KCNQ1: variants seen among roughly 807,000 people sequenced by gnomAD.
The protein encoded by KCNQ1 is potassium voltage-gated channel subfamily KQT member 1.
KCNQ1 carries 49 observed loss-of-function variants against 72.4 expected under a neutral mutation model. The ratio of observed to expected loss-of-function variants is 0.68; its 90% confidence interval spans 0.54 to 0.86. KCNQ1 has a LOEUF of 0.86. KCNQ1 is among the 40% of genes least tolerant of loss of function. KCNQ1 has a pLI of 0.00. For synonymous variants in KCNQ1, 450 were observed against 412.6 expected (o/e 1.09, Z -1.10); for missense variants, 790 against 945.1 (o/e 0.84, Z 2.15).
chr11:2,564,739 C>T lies in KCNQ1; in HGVS notation c.478-5889C>T, dbSNP rs1261531295. ...GTCTGTCCCCATTAAACACTCACTC[C>T]CTACTCCCCCTTCCCCAGCCCCTGG... On this transcript the variant is annotated intron_variant, in intron 2 of 15. Transcript: ENST00000155840. This position sits in a 1 kb window ranked among gnomAD's most constrained non-coding sequence, Gnocchi z 4.5. 6.6e-6 allele frequency among the ~76,000 whole-genome samples: 1 copy of T among 152,200 alleles called. No homozygotes were observed. Among genetic ancestry groups the T allele is most frequent in the African/African-American group, 2.4e-5 (1 of 41,450 alleles).
chr11:2,678,573 T>A lies in KCNQ1; in HGVS notation c.1514+16492T>A, dbSNP rs1170788391. ...CTCAGTTATTTTAATTATGTAACTT[T>A]ATGATGCACTTATCTGTGTAGCAGG... On this transcript the variant is annotated intron_variant, in intron 11 of 15. Transcript: ENST00000155840. The surrounding 1 kb of genome is among the most constrained non-coding windows in gnomAD (Gnocchi z 4.9). The A allele has an allele frequency of 2.5e-6, 1 of 398,542 alleles. No homozygotes were observed. Among genetic ancestry groups the A allele is most frequent in the Non-Finnish European group, 4.4e-6 (1 of 226,070 alleles). The allele number at this position is 398,542 out of a possible 1,614,324, so 24.7% of individuals were successfully genotyped here. A position where few individuals can be genotyped will look rare whatever the true frequency, so the allele number is the denominator to read the frequency against.
intron 1 of KCNQ1, among the ~76,000 whole-genome samples, chr11:2,517,361 G>GCT (rs1847305004): frequency 6.6e-6 from 1 of 152,140 alleles, no homozygotes; most frequent in African/African-American, 2.4e-5. Context: ...ACCCTGGAGG[G>GCT]CTCTGGTGGG....
chr11:2,499,734 C>T (rs1846979761), intron 1 of KCNQ1, among the ~76,000 whole-genome samples: 1 of 152,120 alleles, frequency 6.6e-6, no homozygotes, highest in African/African-American at 2.4e-5. Context: ...GTCATTACAT[C>T]ATGATAAAGG....
At position 2,450,069 on chromosome 11, in the gene KCNQ1, GTTCCCTGCA is replaced by G. The variant is rs1311531177; in HGVS notation, c.386+4590_386+4598del. Among the ~76,000 whole-genome samples the G allele has an allele frequency of 6.6e-6, 1 of 152,178 alleles. No homozygotes were observed. The highest frequency in any genetic ancestry group is 1.5e-5 in the Non-Finnish European group (1 of 68,006). ...TGCTCGGCCCTAGGCAGGGCCCCCA[GTTCCCTGCA>G]TTCCACCCGCCTTGTCTGGGAGGTG... is the stretch of plus-strand genomic sequence containing the variant. On this transcript the variant is annotated intron_variant, in intron 1 of 15. Coordinates refer to ENST00000155840, the MANE Select transcript of KCNQ1 (RefSeq NM_000218.3). This position sits in a 1 kb window ranked among gnomAD's most constrained non-coding sequence, Gnocchi z 7.9.
At chr11:2,732,099 G>A (rs541675617) in intron 11 of KCNQ1, among the ~76,000 whole-genome samples, 2 of 152,338 alleles carry the variant, frequency 1.3e-5, no homozygotes, top group South Asian at 4.1e-4. Context: ...AATTGTGGGA[G>A]AGCCAGGAGT....
At position 2,538,133 on chromosome 11, in the gene KCNQ1, C is replaced by T. The variant is rs537829076; in HGVS notation, c.477+10115C>T. Among the ~76,000 whole-genome samples, 12 of 152,238 alleles carry T rather than the reference C, an allele frequency of 7.9e-5. No homozygotes were observed. The East Asian group carries it at 1.2e-3, about 15-fold the overall frequency. On this transcript the variant is annotated intron_variant, in intron 2 of 15. Coordinates refer to ENST00000155840, the MANE Select transcript of KCNQ1 (RefSeq NM_000218.3). The surrounding 1 kb of genome is among the most constrained non-coding windows in gnomAD (Gnocchi z 6.7). The stretch of plus-strand genomic sequence containing the variant: ...GGACCTTCAACTTAGCCAGGGTGTC[C>T]GACTCTCAGGACACCGCTGTCCATT...
intron 11 of KCNQ1, among the ~76,000 whole-genome samples, chr11:2,732,546 G>A (rs976614358): frequency 1.3e-5 from 2 of 152,218 alleles, no homozygotes; most frequent in Admixed American, 6.5e-5. Flanking sequence ...CGGGCAGTGA[G>A]GAGCGCAGGC....
At chr11:2,476,688 G>A (rs558827321) in intron 1 of KCNQ1, among the ~76,000 whole-genome samples, 148 of 152,218 alleles carry the variant, frequency 9.7e-4, no homozygotes, top group African/African-American at 3.5e-3. Context: ...ATTTAGAAAA[G>A]TTTTGTTTGT....
intron 6 of KCNQ1, among the ~76,000 whole-genome samples, chr11:2,582,048 C>T (rs1325778209): frequency 1.3e-5 from 2 of 152,220 alleles, no homozygotes; most frequent in African/African-American, 4.8e-5. Context: ...CAGGGCTCAG[C>T]AGAGGCCTGT....
rs1554924615 is a variant in KCNQ1 at position 2,799,401 on chromosome 11, T to TGTGTGG, written c.1794+21365_1794+21366insTGTGGG. 3.3e-3 allele frequency among the ~76,000 whole-genome samples: 488 copies of TGTGTGG among 149,876 alleles called. 1 individual carries two copies. Among genetic ancestry groups the TGTGTGG allele is most frequent in the African/African-American group, 0.011 (449 of 40,824 alleles). The stretch of plus-strand genomic sequence containing the variant: ...GTGTGTGTGTGTGTGTGTGTGTGTG[T>TGTGTGG]GGTGTGGTGTGTAGCATGCTTGCAT... On this transcript the variant is annotated intron_variant, in intron 15 of 15. Coordinates refer to ENST00000155840, the MANE Select transcript of KCNQ1 (RefSeq NM_000218.3).
chr11:2,693,628 G>A (rs1306727753), intron 11 of KCNQ1: 4 of 398,546 alleles, frequency 1.0e-5, no homozygotes, highest in African/African-American at 2.1e-5. Flanking sequence ...TCGCCCAGCC[G>A]TAGGAAAGGC....
rs1000603605 is a variant in KCNQ1 at position 2,803,331 on chromosome 11, G to A, written c.1794+25294G>A. On this transcript the variant is annotated intron_variant, in intron 15 of 15. Coordinates refer to ENST00000155840, the MANE Select transcript of KCNQ1 (RefSeq NM_000218.3). This position sits in a 1 kb window ranked among gnomAD's most constrained non-coding sequence, Gnocchi z 6.4. ...CCTGGGGGCCCAGGTCAGCCTGGACGGTGGCAGGACTCGGCGAGGTGGGGA... is the reference window on the plus strand; with the variant it reads ...CCTGGGGGCCCAGGTCAGCCTGGACAGTGGCAGGACTCGGCGAGGTGGGGA... Among the ~76,000 whole-genome samples, 3 of 152,350 alleles carry A rather than the reference G, an allele frequency of 2.0e-5. No individual in the cohort carries two copies. Among genetic ancestry groups the A allele is most frequent in the African/African-American group, 4.8e-5 (2 of 41,580 alleles).
rs1281690457 is a variant in KCNQ1 at position 2,772,814 on chromosome 11, C to T, written c.1591-3146C>T. On this transcript the variant is annotated intron_variant, in intron 12 of 15. Coordinates refer to ENST00000155840, the MANE Select transcript of KCNQ1 (RefSeq NM_000218.3). This position sits in a 1 kb window ranked among gnomAD's most constrained non-coding sequence, Gnocchi z 6.6. ...CCTACACCCACCTGGTCACAGTGGC[C>T]CAGAGACTCCTAGGGCTTGGTTTTC... Among the ~76,000 whole-genome samples the T allele has an allele frequency of 1.3e-5, 2 of 152,186 alleles. No homozygotes were observed. Among genetic ancestry groups the T allele is most frequent in the African/African-American group, 4.8e-5 (2 of 41,434 alleles).
rs780752304 is a variant in KCNQ1 at position 2,813,586 on chromosome 11, G to A, written c.1795-34181G>A. Among the ~76,000 whole-genome samples the A allele has an allele frequency of 6.6e-6, 1 of 152,030 alleles. No individual in the cohort carries two copies. Among genetic ancestry groups the A allele is most frequent in the East Asian group, 1.9e-4 (1 of 5,168 alleles). ...AGCCACATGGAGTATGTCCTCTGTC[G>A]AGGGGGCAGGGACTCAAAGGATGAG... On this transcript the variant is annotated intron_variant, in intron 15 of 15. Transcript: ENST00000155840. This position sits in a 1 kb window ranked among gnomAD's most constrained non-coding sequence, Gnocchi z 4.4.
At chr11:2,648,786 T>A (rs1849707039) in intron 10 of KCNQ1, 1 of 398,530 alleles carries the variant, frequency 2.5e-6, no homozygotes, top group South Asian at 1.3e-4. Flanking sequence ...AAATGAATTG[T>A]CCAATGCTGA....
Position 2,543,896 on chromosome 11 carries a change from G to A in KCNQ1, c.477+15878G>A, listed in dbSNP as rs934166582. ...GAATCATCTTGACTCCTTTTAAGAG[G>A]TTCAGTTTATCATAAAATTGTCTCT... On this transcript the variant is annotated intron_variant, in intron 2 of 15. Transcript: ENST00000155840. The surrounding 1 kb of genome is among the most constrained non-coding windows in gnomAD (Gnocchi z 5.6). 5.3e-5 allele frequency among the ~76,000 whole-genome samples: 8 copies of A among 152,264 alleles called. No homozygotes were observed. The South Asian group carries it at 1.7e-3, about 32-fold the overall frequency.
In KCNQ1 at chr11:2,661,537, CACT is replaced by C. The variant is rs1849956335; in HGVS notation, c.1394-420_1394-418del. The C allele has an allele frequency of 2.0e-6, 1 of 499,508 alleles. No homozygotes were observed. Among genetic ancestry groups the C allele is most frequent in the Non-Finnish European group, 3.5e-6 (1 of 283,964 alleles). 30.9% of individuals were successfully genotyped at this position (499,508 alleles called of 1,614,324 possible). ...TCCTATCACCCCATCTTTCCTGACC[CACT>C]ACTCTGTCAATGTATGAGTGTGACA... On this transcript the variant is annotated intron_variant, in intron 10 of 15. Transcript: ENST00000155840. This position sits in a 1 kb window ranked among gnomAD's most constrained non-coding sequence, Gnocchi z 5.9.
In KCNQ1 at chr11:2,664,919, G is replaced by A. The variant is rs374932515; in HGVS notation, c.1514+2838G>A. On this transcript the variant is annotated intron_variant, in intron 11 of 15. Coordinates refer to ENST00000155840, the MANE Select transcript of KCNQ1 (RefSeq NM_000218.3). This position sits in a 1 kb window ranked among gnomAD's most constrained non-coding sequence, Gnocchi z 5.1. ...TTTGTTTCCATCTCGAGCTCTCCCC[G>A]CCCGCAGGGCCCCAGAGAGGTGAGG... is the stretch of plus-strand genomic sequence containing the variant. The A allele has an allele frequency of 2.5e-4, 99 of 398,516 alleles. No individual in the cohort carries two copies. Among genetic ancestry groups the A allele is most frequent in the African/African-American group, 1.4e-3 (66 of 48,696 alleles). 24.7% of individuals were successfully genotyped at this position (398,516 alleles called of 1,614,324 possible).
At chr11:2,836,082 T>TG (rs1848061801) in intron 15 of KCNQ1, among the ~76,000 whole-genome samples, 1 of 147,972 alleles carries the variant, frequency 6.8e-6, no homozygotes, top group Non-Finnish European at 1.5e-5. Flanking sequence ...GTGGCGGGGG[T>TG]GGGGGTCAGG....
Sources: gnomAD v4.1 joint callset for allele counts (sites outside exome capture counted in the v4.1 genomes callset) on GRCh38, gnomAD v4.1.1 for gene constraint, Gnocchi (gnomAD v3.1) non-coding constraint, MANE v1.5 for transcripts, NCBI Gene and HGNC (gene_info 2026-07-23, HGNC 2026-07-21) for gene names.